The following PRDX6 variants were observed in gnomAD, a reference collection of about 807,000 sequenced individuals.
PRDX6 encodes peroxiredoxin-6.
In PRDX6, 13 loss-of-function variants were observed where a neutral mutation model predicts 20.0. That is an observed-to-expected ratio of 0.65 (90% confidence interval 0.42 to 1.03). PRDX6 has a LOEUF of 1.03. PRDX6 is among the 50% of genes least tolerant of loss of function. The pLI, the probability that PRDX6 is intolerant of heterozygous loss-of-function variation, is 0.00. For synonymous variants in PRDX6, 85 were observed against 100.8 expected (o/e 0.84, Z 0.94); for missense variants, 203 against 276.9 (o/e 0.73, Z 1.89).
chr1:173,485,815 G>A (rs1487064586), intron 3 of PRDX6, among the ~76,000 whole-genome samples: 1 of 152,008 alleles, frequency 6.6e-6, no homozygotes, highest in Non-Finnish European at 1.5e-5. Flanking sequence ...TAAAGTGATG[G>A]GCCATATCCT....
At chr1:173,478,535 C>T (rs577665060) in intron 1 of PRDX6, among the ~76,000 whole-genome samples, 88 of 151,710 alleles carry the variant, frequency 5.8e-4, no homozygotes, top group Non-Finnish European at 9.6e-4. Flanking sequence ...TTTAACAGCT[C>T]CTGAATCAGC....
Position 173,477,407 on chromosome 1 carries a change from G to A in PRDX6, c.10G>A (p.Gly4Ser). Reference sequence around the variant, plus strand: ...CCTCATCACCGTCGCCATGCCCGGAGGTCTGCTTCTCGGGGACGTGGCTCC... The same window carrying A: ...CCTCATCACCGTCGCCATGCCCGGAAGTCTGCTTCTCGGGGACGTGGCTCC... MPG[G>S]LLLGDVAPNF... Residue 4 changes from glycine to serine, a missense_variant, in exon 1 of 5, where the codon GGT (glycine) becomes AGT (serine). Coordinates refer to ENST00000340385, the MANE Select transcript of PRDX6 (RefSeq NM_004905.3). 6.2e-7 allele frequency: 1 copy of A among 1,608,256 alleles called. No individual in the cohort carries two copies. The highest frequency in any genetic ancestry group is 8.5e-7 in the Non-Finnish European group (1 of 1,177,728).
rs375175392 is a variant in PRDX6 at position 173,477,943 on chromosome 1, G to T, written c.95+451G>T. 4.6e-5 allele frequency among the ~76,000 whole-genome samples: 7 copies of T among 152,300 alleles called. No homozygotes were observed. The East Asian group carries it at 1.4e-3, about 29-fold the overall frequency. On this transcript the variant is annotated intron_variant, in intron 1 of 4. Transcript: ENST00000340385. ...TCACTTCCCCGGACTAGTGCCCAGG[G>T]TCGCACCGCCCTCCCACCCTCCGTT...
chr1:173,481,760 A>T lies in PRDX6; in HGVS notation c.252+278A>T, dbSNP rs1658805190. On this transcript the variant is annotated intron_variant, in intron 2 of 4. Transcript: ENST00000340385. ...CTTGACTTCCAGGACACCACATTCTAGCTGTTCCTGCTCACTGATTCTTCA... is the reference window on the plus strand; with the variant it reads ...CTTGACTTCCAGGACACCACATTCTTGCTGTTCCTGCTCACTGATTCTTCA... 4.9e-5 allele frequency: 18 copies of T among 365,068 alleles called. No individual in the cohort carries two copies. In the South Asian group the frequency reaches 6.4e-4, roughly 13 times the overall value. The allele number at this position is 365,068 out of a possible 1,614,324, so 22.6% of individuals were successfully genotyped here.
intron 4 of PRDX6, among the ~76,000 whole-genome samples, chr1:173,486,832 A>G (rs528667713): frequency 6.6e-6 from 1 of 152,374 alleles, no homozygotes; most frequent in Admixed American, 6.5e-5. Flanking sequence ...AACCTGTGCT[A>G]GAATTCTCCA....
At position 173,477,383 on chromosome 1, in the gene PRDX6, C is replaced by T. The variant is rs564166927; in HGVS notation, c.-15C>T. 9 of 1,600,972 alleles carry T rather than the reference C, an allele frequency of 5.6e-6. No individual in the cohort carries two copies. The African/African-American group carries it at 8.1e-5, about 14-fold the overall frequency. Reference sequence around the variant, plus strand: ...TTGCTTGCTGTCCCAGCGGCGCCCCCTCATCACCGTCGCCATGCCCGGAGG... The same window carrying T: ...TTGCTTGCTGTCCCAGCGGCGCCCCTTCATCACCGTCGCCATGCCCGGAGG... On this transcript the variant is annotated 5_prime_UTR_variant, in exon 1 of 5. Transcript: ENST00000340385.
intron 2 of PRDX6, among the ~76,000 whole-genome samples, chr1:173,484,168 T>TATTTA (rs1658856872): frequency 1.2e-5 from 1 of 81,430 alleles, no homozygotes; most frequent in African/African-American, 6.5e-5. Context: ...ATATATATAT[T>TATTTA]TATATATATA....
chr1:173,477,550 CT>C, intron 1 of PRDX6, 58 bp downstream of exon 1: 1 of 1,396,036 alleles, frequency 7.2e-7, no homozygotes. Context: ...TCGGAGGTGC[CT>C]TCCCTGTTTC....
rs1658931082 is a variant in PRDX6 at position 173,488,098 on chromosome 1, A to G, written c.*235A>G. 2 of 476,768 alleles carry G rather than the reference A, an allele frequency of 4.2e-6. No homozygotes were observed. Among genetic ancestry groups the G allele is most frequent in the East Asian group, 7.1e-5 (2 of 28,122 alleles). The allele number at this position is 476,768 out of a possible 1,614,324, so 29.5% of individuals were successfully genotyped here. On this transcript the variant is annotated 3_prime_UTR_variant, in exon 5 of 5. Transcript: ENST00000340385. ...GCACTCTGCTGGTTCTGTTTGAAAT[A>G]TGTTCTGTATTTAAAACTCAAATCT...
Position 173,487,721 on chromosome 1 carries a change from A to G in PRDX6, c.547-14A>G, listed in dbSNP as rs551684207. 5.0e-6 allele frequency: 8 copies of G among 1,613,520 alleles called. No individual in the cohort carries two copies. In the African/African-American group the frequency reaches 6.7e-5, roughly 13 times the overall value. Reference sequence around the variant, plus strand: ...ATGAGATTGAATTTCACCATTCTCAATGTCTTTCAATAGGATGGGGATAGT... The same window carrying G: ...ATGAGATTGAATTTCACCATTCTCAGTGTCTTTCAATAGGATGGGGATAGT... On this transcript the variant is annotated splice_polypyrimidine_tract_variant and intron_variant, in intron 4 of 4. Transcript: ENST00000340385.
intron 1 of PRDX6, among the ~76,000 whole-genome samples, chr1:173,478,437 A>G (rs35918328): frequency 0.014 from 2,158 of 151,890 alleles, 45 homozygotes; most frequent in African/African-American, 0.049. Flanking sequence ...GAGCTTGCTG[A>G]TGATAGCCAA....
intron 2 of PRDX6, chr1:173,481,732 T>C (rs1658804654): frequency 2.3e-6 from 1 of 425,674 alleles, no homozygotes; most frequent in South Asian, 3.2e-5. Context: ...AACTTTTTCC[T>C]TTCTTGACTT....
intron 2 of PRDX6, among the ~76,000 whole-genome samples, chr1:173,483,797 A>G (rs1412121945): frequency 6.6e-6 from 1 of 152,108 alleles, no homozygotes; most frequent in East Asian, 1.9e-4. Flanking sequence ...AGAGTTGCCC[A>G]CATGTTTCAT....
Position 173,487,854 on chromosome 1 carries a change from C to G in PRDX6, c.666C>G (p.Pro222=). The change falls in exon 5 of 5, where the codon CCC becomes CCG. Residue 222 remains proline (P), a synonymous_variant. Coordinates refer to ENST00000340385, the MANE Select transcript of PRDX6 (RefSeq NM_004905.3). ...PSGKKYLRYT[P]QP ...GCAAGAAATACCTCCGCTACACACC[C>G]CAGCCTTAAGTCTCTTGGAGAAGCT... 1 of 1,612,738 alleles carries G rather than the reference C, an allele frequency of 6.2e-7. No homozygotes were observed. The highest frequency in any genetic ancestry group is 8.5e-7 in the Non-Finnish European group (1 of 1,179,992).
chr1:173,485,351 T>A lies in PRDX6; in HGVS notation c.253-10T>A. ...TTAGATTCCTCTTTCCCCTTTTACTTGTGTTTCAGGATATCAATGCTTACA... is the reference window on the plus strand; with the variant it reads ...TTAGATTCCTCTTTCCCCTTTTACTAGTGTTTCAGGATATCAATGCTTACA... On this transcript the variant is annotated splice_polypyrimidine_tract_variant and intron_variant, in intron 2 of 4. Transcript: ENST00000340385. 3 of 1,565,170 alleles carry A rather than the reference T, an allele frequency of 1.9e-6. No individual in the cohort carries two copies. The highest frequency in any genetic ancestry group is 2.6e-6 in the Non-Finnish European group (3 of 1,150,510).
chr1:173,487,280 G>A (rs540165447), intron 4 of PRDX6, among the ~76,000 whole-genome samples: 3 of 152,322 alleles, frequency 2.0e-5, no homozygotes, highest in African/African-American at 7.2e-5. Context: ...ACCAAGGCAT[G>A]TATACTTGTG....
chr1:173,487,908 C>T lies in PRDX6; in HGVS notation c.*45C>T. 1 of 1,605,900 alleles carries T rather than the reference C, an allele frequency of 6.2e-7. No homozygotes were observed. The highest frequency in any genetic ancestry group is 1.1e-5 in the South Asian group (1 of 90,414). Reference sequence around the variant, plus strand: ...GCTGTGAGCCAGAGGATGTCAGCTGCCAATTGTGTTTTCCTGCAGCAATTC... The same window carrying T: ...GCTGTGAGCCAGAGGATGTCAGCTGTCAATTGTGTTTTCCTGCAGCAATTC... On this transcript the variant is annotated 3_prime_UTR_variant, in exon 5 of 5. Transcript: ENST00000340385.
At chr1:173,486,808 G>A (rs992722894) in intron 4 of PRDX6, among the ~76,000 whole-genome samples, 1 of 152,126 alleles carries the variant, frequency 6.6e-6, no homozygotes, top group Non-Finnish European at 1.5e-5. Flanking sequence ...TTTCTCTTAA[G>A]CTTCATTCTT....
At chr1:173,481,633 A>C in intron 2 of PRDX6, 151 bp downstream of exon 2, 1 of 777,044 alleles carries the variant, frequency 1.3e-6, no homozygotes, top group Non-Finnish European at 2.1e-6. Context: ...CACAGTGATC[A>C]CATTGCTAAA....
Sources: gnomAD v4.1 joint callset for allele counts (sites outside exome capture counted in the v4.1 genomes callset) on GRCh38, gnomAD v4.1.1 for gene constraint, MANE v1.5 for transcripts, NCBI Gene and HGNC (gene_info 2026-07-23, HGNC 2026-07-21) for gene names.